SRC: variants seen among roughly 807,000 people sequenced by gnomAD.
SRC encodes SRC proto-oncogene, non-receptor tyrosine kinase, also known as proto-oncogene tyrosine-protein kinase Src.
Under a neutral mutation model 62.9 loss-of-function variants are expected in SRC, and 13 were observed. The observed-to-expected ratio is 0.21, with a 90% confidence interval of 0.13 to 0.33. The LOEUF is 0.33. Among genes scored for constraint, SRC ranks in the 10% least tolerant of loss-of-function variants. The pLI is 1.00. For synonymous variants in SRC, 302 were observed against 317.5 expected (o/e 0.95, Z 0.52); for missense variants, 457 against 737.3 (o/e 0.62, Z 4.40).
intron 2 of SRC, 32 bp downstream of exon 2, chr20:37,365,309 A>G (rs1440184787): frequency 7.2e-6 from 1 of 139,230 alleles, no homozygotes; most frequent in Non-Finnish European, 1.5e-5. Flanking sequence ...AAAAGGAAAG[A>G]AAAGACATCA....
intron 1 of SRC, among the ~76,000 whole-genome samples, chr20:37,359,766 C>T (rs1023881119): frequency 2.0e-5 from 3 of 152,050 alleles, no homozygotes; most frequent in African/African-American, 7.3e-5. Flanking sequence ...CTGGGTGCAC[C>T]TGGCTGCTGT....
Position 37,396,060 on chromosome 20 carries a change from C to T in SRC, c.554-102C>T. ...GGTGGGCCTGGGGCCCCGCCTGGGC[C>T]TCCCTTCCCTCCAATGTCAGGCAGG... On this transcript the variant is annotated intron_variant, in intron 7 of 13. Coordinates refer to ENST00000373578, the MANE Select transcript of SRC (RefSeq NM_198291.3). The surrounding 1 kb of genome is among the most constrained non-coding windows in gnomAD (Gnocchi z 6.1). The T allele has an allele frequency of 6.6e-7, 1 of 1,511,496 alleles. No individual in the cohort carries two copies. Among genetic ancestry groups the T allele is most frequent in the Non-Finnish European group, 8.9e-7 (1 of 1,127,700 alleles). 93.6% of individuals were successfully genotyped at this position (1,511,496 alleles called of 1,614,324 possible).
intron 4 of SRC, among the ~76,000 whole-genome samples, chr20:37,385,388 C>T (rs1310310397): frequency 6.6e-6 from 1 of 152,200 alleles, no homozygotes; most frequent in Non-Finnish European, 1.5e-5. Context: ...GGCCAGGGCT[C>T]CTCTGCTGCC....
In SRC at chr20:37,384,445, C is replaced by A. The variant is rs751116374; in HGVS notation, c.250+42C>A. On this transcript the variant is annotated intron_variant, in intron 4 of 13. Transcript: ENST00000373578. The surrounding 1 kb of genome is among the most constrained non-coding windows in gnomAD (Gnocchi z 6.7). ...CGCGGGGTCCTCGCCCACCTGGGGC[C>A]ACGGCGGGGAGGCGGCGGGGCTGTG... 6 of 1,303,922 alleles carry A rather than the reference C, an allele frequency of 4.6e-6. No individual in the cohort carries two copies. The East Asian group carries it at 2.0e-4, about 43-fold the overall frequency. 80.8% of individuals were successfully genotyped at this position (1,303,922 alleles called of 1,614,324 possible).
At chr20:37,401,299 G>A (rs532002333) in intron 10 of SRC, among the ~76,000 whole-genome samples, 17 of 152,118 alleles carry the variant, frequency 1.1e-4, no homozygotes, top group East Asian at 1.9e-4. Flanking sequence ...CACTGCTCCC[G>A]GCCTGAGATG....
rs1197018253 is a variant in SRC, at chr20:37,405,492, C to G, written c.*2113C>G. 1 of 181,760 alleles carries G rather than the reference C, an allele frequency of 5.5e-6. No individual in the cohort carries two copies. The highest frequency in any genetic ancestry group is 1.2e-5 in the Non-Finnish European group (1 of 85,222). 11.3% of individuals were successfully genotyped at this position (181,760 alleles called of 1,614,324 possible). ...GGGGCGGAATGCGAGAACAAACTACCCCTTGAGGGGTCTTTGGGCAGCACT... is the reference window on the plus strand; with the variant it reads ...GGGGCGGAATGCGAGAACAAACTACGCCTTGAGGGGTCTTTGGGCAGCACT... On this transcript the variant is annotated 3_prime_UTR_variant, in exon 14 of 14. Coordinates refer to ENST00000373578, the MANE Select transcript of SRC (RefSeq NM_198291.3).
rs548651511 is a variant in SRC, at chr20:37,347,438, C to T, written c.-247+1183C>T. Among the ~76,000 whole-genome samples the T allele has an allele frequency of 7.9e-5, 12 of 152,300 alleles. No individual in the cohort carries two copies. The East Asian group carries it at 1.2e-3, about 15-fold the overall frequency. ...TATACGTGAAATGAGAATCCTCAGG[C>T]GAAGATTCTAAGCGCTTCTGCAGGT... On this transcript the variant is annotated intron_variant, in intron 1 of 13. Transcript: ENST00000373578.
rs1054360368 is a variant in SRC, at chr20:37,351,849, G to A, written c.-247+5594G>A. ...AGTGAGGTGTGAGCCCAGACTTCTG[G>A]CTGCTGAGTAATTTGTGGGGATCTG... On this transcript the variant is annotated intron_variant, in intron 1 of 13. Transcript: ENST00000373578. This position sits in a 1 kb window ranked among gnomAD's most constrained non-coding sequence, Gnocchi z 4.4. Among the ~76,000 whole-genome samples, 1 of 152,158 alleles carries A rather than the reference G, an allele frequency of 6.6e-6. No homozygotes were observed. Among genetic ancestry groups the A allele is most frequent in the Non-Finnish European group, 1.5e-5 (1 of 68,036 alleles).
intron 1 of SRC, among the ~76,000 whole-genome samples, chr20:37,357,925 G>A (rs559116637): frequency 1.3e-5 from 2 of 152,326 alleles, no homozygotes; most frequent in Admixed American, 1.3e-4. Flanking sequence ...GGAAGGGGCA[G>A]GCGGCTGGTG....
chr20:37,394,264 T>C lies in SRC; in HGVS notation c.540T>C (p.Ser180=). 1 of 1,613,936 alleles carries C rather than the reference T, an allele frequency of 6.2e-7. No homozygotes were observed. The highest frequency in any genetic ancestry group is 1.1e-5 in the South Asian group (1 of 91,082). The part of the protein sequence containing the change: ...NPRGTFLVRE[S]ETTKGAYCLS... ...GAGGGACCTTCCTCGTGCGAGAAAG[T>C]GAGACCACGAAAGGTACGAGCGCTC... The change falls in exon 7 of 14, where the codon AGT becomes AGC. Residue 180 remains serine, a synonymous_variant. Coordinates refer to ENST00000373578, the MANE Select transcript of SRC (RefSeq NM_198291.3).
At position 37,402,421 on chromosome 20, in the gene SRC, G is replaced by A. The variant is rs200922793; in HGVS notation, c.1117-14G>A. Reference sequence around the variant, plus strand: ...GGTGGCACCTGAGCCAGGCTCCCACGGTTCCGCCTGCAGATCGCCTCAGGC... The same window carrying A: ...GGTGGCACCTGAGCCAGGCTCCCACAGTTCCGCCTGCAGATCGCCTCAGGC... On this transcript the variant is annotated splice_polypyrimidine_tract_variant and intron_variant, in intron 11 of 13. Coordinates refer to ENST00000373578, the MANE Select transcript of SRC (RefSeq NM_198291.3). This position sits in a 1 kb window ranked among gnomAD's most constrained non-coding sequence, Gnocchi z 6.2. The A allele has an allele frequency of 1.2e-6, 2 of 1,609,202 alleles. No homozygotes were observed. The highest frequency in any genetic ancestry group is 8.5e-7 in the Non-Finnish European group (1 of 1,177,000).
chr20:37,387,168 C>A (rs984913830), intron 5 of SRC, among the ~76,000 whole-genome samples: 7 of 152,188 alleles, frequency 4.6e-5, no homozygotes. Context: ...TTCCACTGCC[C>A]CGAGCGTGTC....
intron 2 of SRC, among the ~76,000 whole-genome samples, chr20:37,367,633 C>T (rs1365130921): frequency 1.3e-5 from 2 of 151,254 alleles, no homozygotes; most frequent in Non-Finnish European, 2.9e-5. Context: ...TGCCACCATG[C>T]CTGACTTAAT....
chr20:37,392,890 C>T (rs571361992), intron 5 of SRC, among the ~76,000 whole-genome samples: 2 of 152,260 alleles, frequency 1.3e-5, no homozygotes, highest in East Asian at 3.9e-4. Context: ...TTCTGCCACT[C>T]TCCGCCTCTC....
chr20:37,383,250 GGAA>G (rs1267899208), intron 3 of SRC, among the ~76,000 whole-genome samples: 6 of 152,208 alleles, frequency 3.9e-5, no homozygotes, highest in Non-Finnish European at 8.8e-5. Flanking sequence ...AGTTGAGAAC[GGAA>G]GGAGGCACCA....
At chr20:37,344,736 G>T (rs2069695103), upstream of SRC, 1 of 152,222 alleles carries the variant, frequency 6.6e-6, no homozygotes, top group South Asian at 2.1e-4. Context: ...CTGTTGACTG[G>T]CTGTGGCACC....
rs376361846 is a variant in SRC at position 37,396,331 on chromosome 20, C to T, written c.703+20C>T. 37 of 1,607,334 alleles carry T rather than the reference C, an allele frequency of 2.3e-5. No homozygotes were observed. The highest frequency in any genetic ancestry group is 1.1e-4 in the African/African-American group (8 of 74,760). ...ACTCCAGTGAGCCAGCCTCGGAGGG[C>T]GGAGGGCGGGCGGGCAAAGCCTCAG... On this transcript the variant is annotated intron_variant, in intron 8 of 13. Coordinates refer to ENST00000373578, the MANE Select transcript of SRC (RefSeq NM_198291.3). The surrounding 1 kb of genome is among the most constrained non-coding windows in gnomAD (Gnocchi z 6.1).
At chr20:37,392,814 T>C (rs766311351) in intron 5 of SRC, among the ~76,000 whole-genome samples, 167 of 152,128 alleles carry the variant, frequency 1.1e-3, no homozygotes, top group Non-Finnish European at 9.4e-4. Context: ...ATGTGAGGCC[T>C]CTGTGGCTGC....
chr20:37,400,351 A>G (rs913917812), intron 10 of SRC, 57 bp downstream of exon 10: 14 of 1,458,780 alleles, frequency 9.6e-6, no homozygotes, highest in South Asian at 4.1e-5. Flanking sequence ...GGCAGGGAGC[A>G]TGAGCCTCAT....
Sources: allele counts gnomAD v4.1 joint callset (sites outside exome capture counted in the v4.1 genomes callset), GRCh38; gene constraint gnomAD v4.1.1; non-coding constraint Gnocchi (gnomAD v3.1); transcripts MANE v1.5; gene names NCBI Gene and HGNC (gene_info 2026-07-23, HGNC 2026-07-21).